Variants in ROR1 observed in about 807,000 individuals in gnomAD.
ROR1 encodes ROR family WNT receptor 1.
A neutral mutation model predicts 78.8 loss-of-function variants in ROR1; 19 were observed. That is an observed-to-expected ratio of 0.24 (90% confidence interval 0.17 to 0.35). ROR1 has a LOEUF of 0.35. Ranked by LOEUF, ROR1 falls within the 10% of genes least tolerant of loss-of-function variation. The probability of loss-of-function intolerance (pLI) is 1.00; values close to 1 mark genes in which losing one functional copy is unlikely to be tolerated. For synonymous variants in ROR1, 386 were observed against 433.6 expected, an observed-to-expected ratio of 0.89 and a Z score of 1.36; for missense variants, 917 against 1,177.8, an observed-to-expected ratio of 0.78 and a Z score of 3.24.
chr1:64,170,860 C>T (rs927278634), intron 8 of ROR1, among the ~76,000 whole-genome samples: 2 of 152,192 alleles, frequency 1.3e-5, no homozygotes, highest in Non-Finnish European at 2.9e-5. Context: ...TTTGCTAAAA[C>T]ATAACAAGAG....
At chr1:64,127,699 G>A (rs1409458357) in intron 4 of ROR1, among the ~76,000 whole-genome samples, 1 of 152,142 alleles carries the variant, frequency 6.6e-6, no homozygotes, top group East Asian at 1.9e-4. Flanking sequence ...CTACCTCGAG[G>A]CCTAGAATAC....
intron 1 of ROR1, among the ~76,000 whole-genome samples, chr1:63,941,926 A>T (rs855939): frequency 0.67 from 101,727 of 152,136 alleles, 38,047 homozygotes; most frequent in East Asian, 0.94. Flanking sequence ...AGTACTTTAC[A>T]TGCGTTATCT....
At chr1:64,077,228 T>C (rs138134051) in intron 4 of ROR1, among the ~76,000 whole-genome samples, 7 of 152,332 alleles carry the variant, frequency 4.6e-5, no homozygotes, top group Non-Finnish European at 7.4e-5. Context: ...ATGTAAGGTT[T>C]TTAAAGGTTC....
At chr1:63,815,003 C>G (rs573631588) in intron 1 of ROR1, among the ~76,000 whole-genome samples, 15 of 152,310 alleles carry the variant, frequency 9.8e-5, no homozygotes, top group Non-Finnish European at 1.8e-4. Flanking sequence ...GTCCTGCCAG[C>G]CTTTTTCCTT....
chr1:64,153,300 A>G (rs1372318290), intron 7 of ROR1, among the ~76,000 whole-genome samples: 3 of 152,178 alleles, frequency 2.0e-5, no homozygotes, highest in African/African-American at 4.8e-5. Flanking sequence ...TGATCTGTTG[A>G]TAGGAATGTA....
intron 1 of ROR1, among the ~76,000 whole-genome samples, chr1:63,942,486 G>C (rs1645848923): frequency 6.6e-6 from 1 of 151,708 alleles, no homozygotes; most frequent in South Asian, 2.1e-4. Context: ...CCTCCACTTA[G>C]ATTTTCTTAA....
At chr1:63,799,142 G>C (rs1330756279) in intron 1 of ROR1, among the ~76,000 whole-genome samples, 1 of 152,058 alleles carries the variant, frequency 6.6e-6, no homozygotes, top group African/African-American at 2.4e-5. Context: ...AGGCTGCTAG[G>C]AAAACTAGAG....
chr1:64,004,894 A>T (rs1210052032), intron 1 of ROR1, among the ~76,000 whole-genome samples: 2 of 152,170 alleles, frequency 1.3e-5, no homozygotes, highest in Non-Finnish European at 2.9e-5. Context: ...TATTGATCAA[A>T]TCGGGAGGAG....
intron 1 of ROR1, among the ~76,000 whole-genome samples, chr1:63,845,632 G>GT (rs1488682423): frequency 6.6e-6 from 1 of 152,082 alleles, no homozygotes; most frequent in Non-Finnish European, 1.5e-5. Context: ...TTGACCCACT[G>GT]TTTTGCCTTG....
chr1:63,908,244 A>G (rs1163440526), intron 1 of ROR1, among the ~76,000 whole-genome samples: 2 of 152,168 alleles, frequency 1.3e-5, no homozygotes, highest in Non-Finnish European at 2.9e-5. Context: ...CCCCTGAAGC[A>G]AGCTCCCTCT....
At chr1:64,091,461 G>A (rs1647196517) in intron 4 of ROR1, among the ~76,000 whole-genome samples, 1 of 152,112 alleles carries the variant, frequency 6.6e-6, no homozygotes, top group South Asian at 2.1e-4. Context: ...TAATAAGTGA[G>A]GTTGCTGATG....
chr1:63,792,820 A>G (rs889647751), intron 1 of ROR1, among the ~76,000 whole-genome samples: 3 of 152,234 alleles, frequency 2.0e-5, no homozygotes, highest in South Asian at 2.1e-4. Flanking sequence ...CTTATTTTCT[A>G]CTAATGTCTG....
In ROR1 at chr1:64,177,672, AG is replaced by A; in HGVS notation, c.1633del (p.Glu545AsnfsTer22). ...NIVCLLGAVT[Q>X]EQPVCMLFEY... ...GTCTGCCTTCTAGGTGCCGTCACTC[AG>A]GAACAACCTGTGTGCATGCTTTTTG... On this transcript the variant is annotated frameshift_variant, in exon 9 of 9. Transcript: ENST00000371079. LOFTEE classifies it high-confidence loss of function. 1 of 1,614,204 alleles carries A rather than the reference AG, an allele frequency of 6.2e-7. No homozygotes were observed.
intron 1 of ROR1, among the ~76,000 whole-genome samples, chr1:63,908,450 A>G (rs1645544807): frequency 6.6e-6 from 1 of 152,232 alleles, no homozygotes; most frequent in African/African-American, 2.4e-5. Context: ...CAGGCAAAAT[A>G]CAGATGTGCA....
chr1:63,784,405 C>T (rs1644671539), intron 1 of ROR1, among the ~76,000 whole-genome samples: 1 of 152,146 alleles, frequency 6.6e-6, no homozygotes, highest in South Asian at 2.1e-4. Context: ...TACTGTTTCA[C>T]CAAAAGGTGA....
intron 2 of ROR1, among the ~76,000 whole-genome samples, chr1:64,022,974 G>A (rs1646576940): frequency 6.6e-6 from 1 of 152,084 alleles, no homozygotes; most frequent in South Asian, 2.1e-4. Context: ...TTTGGGCTGG[G>A]GCTAGGAGAA....
At chr1:63,932,918 G>C (rs1202110520) in intron 1 of ROR1, among the ~76,000 whole-genome samples, 1 of 152,096 alleles carries the variant, frequency 6.6e-6, no homozygotes, top group Non-Finnish European at 1.5e-5. Context: ...GGTAGAGTGG[G>C]TGGTGACAGT....
At chr1:64,019,912 A>G (rs555392283) in intron 2 of ROR1, among the ~76,000 whole-genome samples, 1 of 152,342 alleles carries the variant, frequency 6.6e-6, no homozygotes, top group South Asian at 2.1e-4. Context: ...ATTATCCGTC[A>G]TTATCCCCAG....
intron 1 of ROR1, among the ~76,000 whole-genome samples, chr1:63,948,662 A>T (rs1645909977): frequency 1.3e-5 from 2 of 152,154 alleles, no homozygotes; most frequent in South Asian, 2.1e-4. Context: ...CTAACCCCCA[A>T]TATGATGGTA....
Sources: allele counts gnomAD v4.1 joint callset (sites outside exome capture counted in the v4.1 genomes callset), GRCh38; gene constraint gnomAD v4.1.1; transcripts MANE v1.5; gene names NCBI Gene and HGNC (gene_info 2026-07-23, HGNC 2026-07-21).